Variants in KCNQ3 observed in about 807,000 individuals in gnomAD.
KCNQ3 encodes the protein potassium voltage-gated channel subfamily Q member 3.
Under a neutral mutation model 92.5 loss-of-function variants are expected in KCNQ3, and 30 were observed. That is an observed-to-expected ratio of 0.32 (90% CI 0.24 to 0.44). The LOEUF (loss-of-function observed/expected upper bound fraction) is 0.44. KCNQ3 is among the 20% of genes least tolerant of loss of function. The probability of loss-of-function intolerance (pLI) is 1.00; values close to 1 mark genes in which losing one functional copy is unlikely to be tolerated. For synonymous variants in KCNQ3, 450 were observed against 468.8 expected (o/e 0.96, Z 0.52); for missense variants, 913 against 1,140.3 (o/e 0.80, Z 2.87).
intron 9 of KCNQ3, among the ~76,000 whole-genome samples, chr8:132,147,541 T>C (rs1825490227): frequency 6.6e-6 from 1 of 152,170 alleles, no homozygotes. Flanking sequence ...AGGAGTGTCT[T>C]AATAAATATT....
chr8:132,446,609 A>G (rs1821683886), intron 1 of KCNQ3, among the ~76,000 whole-genome samples: 1 of 152,212 alleles, frequency 6.6e-6, no homozygotes, highest in African/African-American at 2.4e-5. Context: ...TCTATGTGTC[A>G]GCAAAAATTC....
rs1436352921 is a variant in KCNQ3 at position 132,129,705 on chromosome 8, T to A, written c.2176A>T (p.Ser726Cys). ...DPVNLPRGGPSSGKVQATPPS... is the reference protein window; with the variant it reads ...DPVNLPRGGPCSGKVQATPPS... ...GGAGTTGCCTGAACCTTTCCAGAACTGGGTCCCCCTCGGGGCAGGTTCACA... is the reference window on the plus strand; with the variant it reads ...GGAGTTGCCTGAACCTTTCCAGAACAGGGTCCCCCTCGGGGCAGGTTCACA... Residue 726 changes from serine (S) to cysteine (C), a missense_variant, in exon 15 of 15, where the codon AGT (serine) becomes TGT (cysteine). By Grantham distance (112) the Ser-to-Cys change is moderately radical (BLOSUM62 -1). Around this residue, in one of 6 missense-constraint regions of KCNQ3, gnomAD observed 375 missense variants for 376.4 expected, o/e 1.00. Coordinates refer to ENST00000388996, the MANE Select transcript of KCNQ3 (RefSeq NM_004519.4). This position sits in a 1 kb window ranked among gnomAD's most constrained non-coding sequence, Gnocchi z 5.9. 6.2e-7 allele frequency: 1 copy of A among 1,614,146 alleles called. No homozygotes were observed. The highest frequency in any genetic ancestry group is 8.5e-7 in the Non-Finnish European group (1 of 1,180,028).
chr8:132,142,686 G>A (rs1002957693), intron 9 of KCNQ3, among the ~76,000 whole-genome samples: 3 of 152,208 alleles, frequency 2.0e-5, no homozygotes, highest in Admixed American at 1.3e-4. Flanking sequence ...TGAAATAAAT[G>A]AGAGAGTGAA....
intron 1 of KCNQ3, among the ~76,000 whole-genome samples, chr8:132,229,347 G>A (rs1814552884): frequency 6.6e-6 from 1 of 152,076 alleles, no homozygotes; most frequent in Non-Finnish European, 1.5e-5. Flanking sequence ...GAATGTTGAT[G>A]ACTCAACCAA....
At chr8:132,348,658 C>T (rs1818767229) in intron 1 of KCNQ3, among the ~76,000 whole-genome samples, 1 of 152,184 alleles carries the variant, frequency 6.6e-6, no homozygotes, top group Non-Finnish European at 1.5e-5. Context: ...CTGGCGGATC[C>T]ACCTTCTCTC....
At chr8:132,455,398 C>T (rs1192295885) in intron 1 of KCNQ3, among the ~76,000 whole-genome samples, 1 of 152,066 alleles carries the variant, frequency 6.6e-6, no homozygotes, top group Non-Finnish European at 1.5e-5. Flanking sequence ...TAAGCCACTG[C>T]ACCTGGCCAT....
At chr8:132,468,630 G>A (rs936470168) in intron 1 of KCNQ3, among the ~76,000 whole-genome samples, 1 of 152,230 alleles carries the variant, frequency 6.6e-6, no homozygotes, top group African/African-American at 2.4e-5. Flanking sequence ...ATTATAAACT[G>A]TGAAATGATG....
chr8:132,352,390 T>C (rs1349863621), intron 1 of KCNQ3, among the ~76,000 whole-genome samples: 1 of 152,004 alleles, frequency 6.6e-6, no homozygotes, highest in Non-Finnish European at 1.5e-5. Context: ...CATTCTACAA[T>C]GCACAGGAAC....
At chr8:132,276,988 C>G (rs1346557298) in intron 1 of KCNQ3, among the ~76,000 whole-genome samples, 1 of 151,870 alleles carries the variant, frequency 6.6e-6, no homozygotes, top group Non-Finnish European at 1.5e-5. Flanking sequence ...ATGAGCCCAC[C>G]ACATCAAAGT....
rs986000427 is a variant in KCNQ3 at position 132,392,138 on chromosome 8, C to T, written c.386+88009G>A. On this transcript the variant is annotated intron_variant, in intron 1 of 14. Coordinates refer to ENST00000388996, the MANE Select transcript of KCNQ3 (RefSeq NM_004519.4). ...CCTGGAGAAACATATCTGGTTACGA[C>T]GTAATTCCTCTGACCTAAATTGAGT... Among the ~76,000 whole-genome samples, 19 of 152,240 alleles carry T rather than the reference C, an allele frequency of 1.2e-4. No individual in the cohort carries two copies. In the South Asian group the frequency reaches 3.5e-3, roughly 28 times the overall value.
intron 1 of KCNQ3, among the ~76,000 whole-genome samples, chr8:132,195,128 T>A (rs1827267641): frequency 6.6e-6 from 1 of 152,256 alleles, no homozygotes; most frequent in Non-Finnish European, 1.5e-5. Context: ...AGTTGACCAC[T>A]GTTTTTCTTC....
intron 1 of KCNQ3, among the ~76,000 whole-genome samples, chr8:132,322,836 C>T (rs1247773014): frequency 1.3e-5 from 2 of 152,176 alleles, no homozygotes; most frequent in African/African-American, 4.8e-5. Context: ...GTCATGAAGG[C>T]CTTTGAACAC....
At chr8:132,465,558 T>C (rs1315439456) in intron 1 of KCNQ3, among the ~76,000 whole-genome samples, 1 of 151,512 alleles carries the variant, frequency 6.6e-6, no homozygotes, top group African/African-American at 2.4e-5. Context: ...TGAAACTCCA[T>C]CTCTACTAAA....
At chr8:132,251,162 T>C (rs977124277) in intron 1 of KCNQ3, among the ~76,000 whole-genome samples, 2 of 151,914 alleles carry the variant, frequency 1.3e-5, no homozygotes, top group Admixed American at 1.3e-4. Context: ...AGCTACTCAG[T>C]AGGTTGAGAT....
At chr8:132,462,961 T>C (rs1822095514) in intron 1 of KCNQ3, among the ~76,000 whole-genome samples, 2 of 152,148 alleles carry the variant, frequency 1.3e-5, no homozygotes, top group Non-Finnish European at 2.9e-5. Context: ...CACGTATACA[T>C]ATACAGTATA....
intron 1 of KCNQ3, among the ~76,000 whole-genome samples, chr8:132,239,029 T>C (rs559947203): frequency 7.9e-5 from 12 of 152,356 alleles, no homozygotes; most frequent in African/African-American, 2.6e-4. Context: ...TAATAACTCA[T>C]TAATTGATGG....
intron 1 of KCNQ3, among the ~76,000 whole-genome samples, chr8:132,454,094 A>G (rs1759827690): frequency 6.6e-6 from 1 of 152,230 alleles, no homozygotes; most frequent in Non-Finnish European, 1.5e-5. Flanking sequence ...TTGCAAGAGA[A>G]CCATGATCTG....
At chr8:132,404,237 G>A (rs1292674748) in intron 1 of KCNQ3, among the ~76,000 whole-genome samples, 1 of 152,206 alleles carries the variant, frequency 6.6e-6, no homozygotes, top group Admixed American at 6.5e-5. Flanking sequence ...CTCCAGGGAA[G>A]GTGGGCTTCT....
intron 1 of KCNQ3, among the ~76,000 whole-genome samples, chr8:132,402,518 T>C (rs1483201031): frequency 6.6e-6 from 1 of 152,206 alleles, no homozygotes; most frequent in African/African-American, 2.4e-5. Context: ...AGGTTGTTTA[T>C]AAATGCATTC....
Sources: allele counts gnomAD v4.1 joint callset (sites outside exome capture counted in the v4.1 genomes callset), GRCh38; gene constraint gnomAD v4.1.1; regional missense constraint gnomAD v4.1.1; non-coding constraint Gnocchi (gnomAD v3.1); transcripts MANE v1.5; gene names NCBI Gene and HGNC (gene_info 2026-07-23, HGNC 2026-07-21).